SAMSN1: variants seen among roughly 807,000 people sequenced by gnomAD.
SAMSN1 encodes the protein SAM domain-containing protein SAMSN-1.
Under a neutral mutation model 42.0 loss-of-function variants are expected in SAMSN1, and 31 were observed. That is an observed-to-expected ratio of 0.74 (90% confidence interval 0.55 to 1.00). SAMSN1 has a LOEUF of 1.00. Among genes scored for constraint, SAMSN1 ranks in the 50% least tolerant of loss-of-function variants. The pLI, the probability that SAMSN1 is intolerant of heterozygous loss-of-function variation, is 0.00. For synonymous variants in SAMSN1, 178 were observed against 151.9 expected, an observed-to-expected ratio of 1.17 and a Z score of -1.26; for missense variants, 464 against 439.4, an observed-to-expected ratio of 1.06 and a Z score of -0.50.
intron 1 of SAMSN1, among the ~76,000 whole-genome samples, chr21:14,583,109 A>G (rs970976762): frequency 1.3e-5 from 2 of 152,242 alleles, no homozygotes; most frequent in African/African-American, 4.8e-5. Flanking sequence ...CTATATTTAC[A>G]CAATGTGGCA....
intron 5 of SAMSN1, among the ~76,000 whole-genome samples, chr21:14,607,157 T>C (rs1982590132): frequency 6.6e-6 from 1 of 152,202 alleles, no homozygotes; most frequent in Non-Finnish European, 1.5e-5. Flanking sequence ...TCATGTGGGT[T>C]GTGGATGACA....
chr21:14,602,244 A>C, intron 5 of SAMSN1: 1 of 343,662 alleles, frequency 2.9e-6, no homozygotes, highest in East Asian at 4.1e-5. Context: ...TGTTAAATAT[A>C]TGCTATTTTT....
intron 1 of SAMSN1, among the ~76,000 whole-genome samples, chr21:14,541,228 T>C (rs1216802833): frequency 2.6e-5 from 4 of 151,276 alleles, no homozygotes; most frequent in African/African-American, 9.7e-5. Context: ...CATGTATACA[T>C]ATGTAACAAA....
chr21:14,519,794 G>A (rs968380633), intron 2 of SAMSN1, among the ~76,000 whole-genome samples: 1 of 152,064 alleles, frequency 6.6e-6, no homozygotes, highest in Non-Finnish European at 1.5e-5. Flanking sequence ...TGCTGAATCA[G>A]GTTCAATGGT....
At chr21:14,501,577 T>A (rs78953363) in intron 5 of SAMSN1, among the ~76,000 whole-genome samples, 3 of 152,130 alleles carry the variant, frequency 2.0e-5, no homozygotes, top group Admixed American at 2.0e-4. Flanking sequence ...GGGAAGGAGA[T>A]GAAAGAGAAG....
chr21:14,596,651 G>A (rs554026924), intron 6 of SAMSN1, among the ~76,000 whole-genome samples: 23 of 152,248 alleles, frequency 1.5e-4, no homozygotes, highest in South Asian at 1.0e-3. Flanking sequence ...GACATTCTGC[G>A]AAGACACTCA....
intron 1 of SAMSN1, among the ~76,000 whole-genome samples, chr21:14,530,140 C>A (rs572062525): frequency 6.6e-6 from 1 of 152,046 alleles, no homozygotes; most frequent in African/African-American, 2.4e-5. Flanking sequence ...TACGGTGAAA[C>A]CCCATCCCTA....
intron 4 of SAMSN1, among the ~76,000 whole-genome samples, chr21:14,510,810 GTTCCCACT>G (rs1375571298): frequency 6.6e-6 from 1 of 152,172 alleles, no homozygotes; most frequent in Non-Finnish European, 1.5e-5. Flanking sequence ...CCTCCCCAGA[GTTCCCACT>G]GTGTACCAAA....
intron 6 of SAMSN1, among the ~76,000 whole-genome samples, chr21:14,499,255 A>G (rs1410199625): frequency 6.6e-6 from 1 of 152,288 alleles, no homozygotes; most frequent in East Asian, 1.9e-4. Context: ...ATCAATATGT[A>G]TTAGTTTAAA....
chr21:14,656,423 G>T (rs192093294), intron 1 of SAMSN1, among the ~76,000 whole-genome samples: 28 of 151,878 alleles, frequency 1.8e-4, no homozygotes, highest in African/African-American at 6.7e-4. Context: ...TCAAATTATT[G>T]AAGAAATTGT....
intron 1 of SAMSN1, among the ~76,000 whole-genome samples, chr21:14,655,148 C>T (rs1242083447): frequency 6.6e-6 from 1 of 151,580 alleles, no homozygotes; most frequent in East Asian, 1.9e-4. Context: ...GAACAAAGAA[C>T]AATTACAAAG....
At chr21:14,640,281 C>T (rs972377234) in intron 2 of SAMSN1, among the ~76,000 whole-genome samples, 1 of 152,114 alleles carries the variant, frequency 6.6e-6, no homozygotes, top group Non-Finnish European at 1.5e-5. Flanking sequence ...TTATTATGGG[C>T]TATAGTTTCC....
At chr21:14,566,979 C>T (rs760467830) in intron 2 of SAMSN1, among the ~76,000 whole-genome samples, 35 of 152,052 alleles carry the variant, frequency 2.3e-4, no homozygotes, top group Non-Finnish European at 4.7e-4. Context: ...GAAACTCTTA[C>T]TAAAGTAAGT....
At chr21:14,631,148 C>T (rs946638656) in intron 2 of SAMSN1, among the ~76,000 whole-genome samples, 5 of 152,142 alleles carry the variant, frequency 3.3e-5, no homozygotes, top group Non-Finnish European at 7.4e-5. Flanking sequence ...TCTATTTCTT[C>T]CTTTTTAAGC....
intron 1 of SAMSN1, among the ~76,000 whole-genome samples, chr21:14,657,970 AC>A (rs1983942948): frequency 1.3e-5 from 2 of 151,790 alleles, no homozygotes; most frequent in African/African-American, 2.4e-5. Flanking sequence ...AGGCCATCTT[AC>A]TTTCCCAAAT....
At chr21:14,621,516 G>T (rs780469675) in intron 2 of SAMSN1, among the ~76,000 whole-genome samples, 44 of 152,186 alleles carry the variant, frequency 2.9e-4, no homozygotes, top group Non-Finnish European at 5.6e-4. Context: ...CTGGCTCAGA[G>T]GATCCCATGC....
chr21:14,487,851 G>A (rs2123634004), intron 7 of SAMSN1, among the ~76,000 whole-genome samples: 1 of 152,184 alleles, frequency 6.6e-6, no homozygotes, highest in South Asian at 2.1e-4. Context: ...AATTTTAATA[G>A]GCACCTATTG....
At chr21:14,549,726 G>A (rs1365345144), upstream of SAMSN1, among the ~76,000 whole-genome samples, 1 of 152,062 alleles carries the variant, frequency 6.6e-6, no homozygotes, top group East Asian at 1.9e-4. Context: ...ATTCAAACCT[G>A]CAGAATTTAC....
intron 1 of SAMSN1, among the ~76,000 whole-genome samples, chr21:14,526,821 A>G (rs1336571928): frequency 6.6e-6 from 1 of 152,210 alleles, no homozygotes; most frequent in African/African-American, 2.4e-5. Flanking sequence ...AATACTGACC[A>G]GCCTGCATTT....
Sources: allele counts gnomAD v4.1 joint callset (sites outside exome capture counted in the v4.1 genomes callset), GRCh38; gene constraint gnomAD v4.1.1; transcripts MANE v1.5; gene names NCBI Gene and HGNC (gene_info 2026-07-23, HGNC 2026-07-21).